The following JAKMIP3 variants were observed in gnomAD, a reference collection of about 807,000 sequenced individuals.
JAKMIP3 encodes Janus kinase and microtubule interacting protein 3.
JAKMIP3 carries 58 observed loss-of-function variants against 118.5 expected under a neutral mutation model. The ratio of observed to expected loss-of-function variants is 0.49; its 90% confidence interval spans 0.40 to 0.61. The LOEUF is 0.61. JAKMIP3 is among the 20% of genes least tolerant of loss of function. The probability of loss-of-function intolerance (pLI) is 0.00; values close to 1 mark genes in which losing one functional copy is unlikely to be tolerated. For synonymous variants in JAKMIP3, 486 were observed against 451.2 expected (o/e 1.08, Z -0.98); for missense variants, 950 against 1,109.0 (o/e 0.86, Z 2.04).
intron 23 of JAKMIP3, among the ~76,000 whole-genome samples, chr10:132,173,020 T>C (rs1164376166): frequency 1.2e-4 from 2 of 17,378 alleles, no homozygotes; most frequent in Non-Finnish European, 2.3e-4. Flanking sequence ...TCTCTCCCTC[T>C]CTCTCTCCTT....
intron 2 of JAKMIP3, among the ~76,000 whole-genome samples, chr10:132,107,803 C>T (rs550843177): frequency 1.3e-5 from 2 of 152,332 alleles, no homozygotes; most frequent in East Asian, 1.9e-4. Flanking sequence ...ATTCGATTCT[C>T]GGCTGATACT....
intron 1 of JAKMIP3, among the ~76,000 whole-genome samples, chr10:132,045,139 C>T (rs867942069): frequency 6.6e-6 from 1 of 152,098 alleles, no homozygotes; most frequent in African/African-American, 2.4e-5. Context: ...TCCCACCAGC[C>T]GTGCACGAGC....
chr10:132,072,939 T>A (rs889887723), intron 1 of JAKMIP3, among the ~76,000 whole-genome samples: 1 of 152,166 alleles, frequency 6.6e-6, no homozygotes, highest in African/African-American at 2.4e-5. Flanking sequence ...CTCCAGTATC[T>A]GTTCCACTCT....
chr10:132,138,202 TGCG>T lies in JAKMIP3; in HGVS notation c.1344+26_1344+28del, dbSNP rs1185313376. 3 of 1,590,224 alleles carry T rather than the reference TGCG, an allele frequency of 1.9e-6. No individual in the cohort carries two copies. In the African/African-American group the frequency reaches 4.3e-5, roughly 23 times the overall value. ...AGGTAAGGAACAGCACACCGGCACG[TGCG>T]GAGAGTACGCCGGGTGTGTGCGGAG... On this transcript the variant is annotated intron_variant, in intron 9 of 23. Coordinates refer to ENST00000684848, the MANE Select transcript of JAKMIP3 (RefSeq NM_001323087.2).
At chr10:132,068,144 G>A (rs2039212253) in intron 1 of JAKMIP3, among the ~76,000 whole-genome samples, 1 of 148,604 alleles carries the variant, frequency 6.7e-6, no homozygotes, top group African/African-American at 2.5e-5. Flanking sequence ...CTGGACTGTG[G>A]GTTTCTGTGT....
intron 11 of JAKMIP3, among the ~76,000 whole-genome samples, chr10:132,142,270 C>T (rs978327011): frequency 2.0e-5 from 3 of 152,158 alleles, no homozygotes; most frequent in African/African-American, 4.8e-5. Context: ...TGGCCCAGAG[C>T]GGTGCCAGGC....
chr10:132,177,590 T>G (rs2137058072), intron 23 of JAKMIP3, among the ~76,000 whole-genome samples: 1 of 147,018 alleles, frequency 6.8e-6, no homozygotes, highest in Middle Eastern at 3.6e-3. Context: ...CTGGGTAGGG[T>G]GCATGTCTGT....
intron 1 of JAKMIP3, among the ~76,000 whole-genome samples, chr10:132,103,844 AAAAG>A (rs2045493098): frequency 6.6e-6 from 1 of 152,142 alleles, no homozygotes; most frequent in African/African-American, 2.4e-5. Context: ...TATCTCCAAA[AAAAG>A]AAAGAAAATC....
Position 132,149,975 on chromosome 10 carries a change from G to T in JAKMIP3, c.1948-7G>T. On this transcript the variant is annotated splice_polypyrimidine_tract_variant and splice_region_variant and intron_variant, in intron 15 of 23. Coordinates refer to ENST00000684848, the MANE Select transcript of JAKMIP3 (RefSeq NM_001323087.2). Reference sequence around the variant, plus strand: ...CCACTCACCCCTACCTGTCCTCTGTGCCTTAGGACATTGTGGTTGCGGAGC... The same window carrying T: ...CCACTCACCCCTACCTGTCCTCTGTTCCTTAGGACATTGTGGTTGCGGAGC... The T allele has an allele frequency of 2.0e-6, 3 of 1,527,736 alleles. No homozygotes were observed. The highest frequency in any genetic ancestry group is 2.0e-5 in the Admixed American group (1 of 51,196). 94.6% of individuals were successfully genotyped at this position (1,527,736 alleles called of 1,614,324 possible).
intron 1 of JAKMIP3, among the ~76,000 whole-genome samples, chr10:132,103,462 GGA>G (rs1193139038): frequency 8.4e-4 from 79 of 94,318 alleles, no homozygotes; most frequent in South Asian, 1.5e-3. Flanking sequence ...GCTGGGGGGG[GGA>G]GGAGCAGCTG....
chr10:132,100,173 C>CGGACCCCCCACAT (rs1182356829), intron 1 of JAKMIP3, among the ~76,000 whole-genome samples: 6 of 152,126 alleles, frequency 3.9e-5, no homozygotes, highest in Non-Finnish European at 8.8e-5. Flanking sequence ...GGCCCCCACA[C>CGGACCCCCCACAT]GGACCCCCCG....
chr10:132,039,939 G>A (rs554405630), intron 1 of JAKMIP3, among the ~76,000 whole-genome samples: 3 of 152,348 alleles, frequency 2.0e-5, no homozygotes, highest in South Asian at 2.1e-4. Context: ...TCACAAGCTC[G>A]TGCTTCTTTG....
At chr10:132,173,787 TTAG>T (rs1276549975) in intron 23 of JAKMIP3, among the ~76,000 whole-genome samples, 2 of 41,242 alleles carry the variant, frequency 4.8e-5, no homozygotes, top group African/African-American at 1.1e-4. Flanking sequence ...CTGTGATGTG[TTAG>T]TGGTGGTGTG....
At chr10:132,135,275 G>C (rs1463354663) in intron 5 of JAKMIP3, 115 bp downstream of exon 5, 2 of 1,088,420 alleles carry the variant, frequency 1.8e-6, no homozygotes, top group Admixed American at 2.7e-5. Flanking sequence ...TGCAAGGACC[G>C]GCCTTGCGTC....
In JAKMIP3 at chr10:132,124,475, GTCCATTGCCACACACA is replaced by G. The variant is rs1429844272; in HGVS notation, c.633+6913_633+6928del. Among the ~76,000 whole-genome samples, 13 of 143,200 alleles carry G rather than the reference GTCCATTGCCACACACA, an allele frequency of 9.1e-5. 1 individual carries two copies. The highest frequency in any genetic ancestry group is 2.8e-4 in the Admixed American group (4 of 14,262). 93.9% of individuals were successfully genotyped at this position (143,200 alleles called of 152,430 possible). On this transcript the variant is annotated intron_variant, in intron 3 of 23. Coordinates refer to ENST00000684848, the MANE Select transcript of JAKMIP3 (RefSeq NM_001323087.2). ...CGAGCCGGTGGGCCGCGCCATACAC[GTCCATTGCCACACACA>G]TCCATTGCCACGCGGTCACCCATCC...
chr10:132,160,143 C>A (rs1463076624), intron 19 of JAKMIP3, among the ~76,000 whole-genome samples: 2 of 54,374 alleles, frequency 3.7e-5, no homozygotes, highest in Non-Finnish European at 7.8e-5. Context: ...GGGGGGGTCT[C>A]TTCCTGTGTG....
intron 1 of JAKMIP3, among the ~76,000 whole-genome samples, chr10:132,072,946 CTCTG>C (rs1194591115): frequency 6.6e-5 from 10 of 152,140 alleles, no homozygotes; most frequent in African/African-American, 2.2e-4. Context: ...ATCTGTTCCA[CTCTG>C]TCTGTCCGTG....
intron 3 of JAKMIP3, among the ~76,000 whole-genome samples, chr10:132,119,199 T>A (rs1430781874): frequency 6.6e-6 from 1 of 152,102 alleles, no homozygotes; most frequent in South Asian, 2.1e-4. Flanking sequence ...CAGGCTTTTT[T>A]TTTGCAGCTA....
At chr10:132,135,223 G>T in intron 5 of JAKMIP3, 63 bp downstream of exon 5, 2 of 1,508,450 alleles carry the variant, frequency 1.3e-6, no homozygotes, top group South Asian at 1.2e-5. Flanking sequence ...GGGACCTGGG[G>T]GGCATCCACT....
Sources: gnomAD v4.1 joint callset for allele counts (sites outside exome capture counted in the v4.1 genomes callset) on GRCh38, gnomAD v4.1.1 for gene constraint, MANE v1.5 for transcripts, NCBI Gene and HGNC (gene_info 2026-07-23, HGNC 2026-07-21) for gene names.